IL1RAPL2: variants seen among roughly 807,000 people sequenced by gnomAD.
IL1RAPL2 encodes interleukin 1 receptor accessory protein like 2.
In IL1RAPL2, 3 loss-of-function variants were observed where a neutral mutation model predicts 44.1. That is an observed-to-expected ratio of 0.07 (90% confidence interval 0.03 to 0.18). The LOEUF (loss-of-function observed/expected upper bound fraction) is 0.18. Among genes scored for constraint, IL1RAPL2 ranks in the 10% least tolerant of loss-of-function variants. The probability of loss-of-function intolerance (pLI) is 1.00; values close to 1 mark genes in which losing one functional copy is unlikely to be tolerated. For synonymous variants in IL1RAPL2, 181 were observed against 178.8 expected (o/e 1.01, Z -0.10); for missense variants, 391 against 496.4 (o/e 0.79, Z 2.02).
At chrX:105,069,343 T>C (rs1263091959) in intron 2 of IL1RAPL2, among the ~76,000 whole-genome samples, 1 of 112,839 alleles carries the variant, frequency 8.9e-6, no homozygotes, top group Non-Finnish European at 1.9e-5. Context: ...TTCCAAACTC[T>C]GCAAGCCTTC....
At chrX:105,376,022 G>C in intron 5 of IL1RAPL2, among the ~76,000 whole-genome samples, 1 of 111,705 alleles carries the variant, frequency 9.0e-6, no homozygotes, top group Non-Finnish European at 1.9e-5. Flanking sequence ...TTACATTCCA[G>C]TTTGTGCCAT....
intron 2 of IL1RAPL2, among the ~76,000 whole-genome samples, chrX:104,768,065 A>G (rs150181191): frequency 0.056 from 6,222 of 112,088 alleles, 443 homozygotes; most frequent in African/African-American, 0.19. Context: ...CACGTACAAC[A>G]TGATGTTTTG....
At chrX:105,416,448 T>C (rs1446286270) in intron 5 of IL1RAPL2, among the ~76,000 whole-genome samples, 1 of 112,220 alleles carries the variant, frequency 8.9e-6, no homozygotes, top group African/African-American at 3.2e-5. Context: ...TGTGTAGCCT[T>C]GGTAAGTTAC....
chrX:105,327,773 T>C (rs1166141261), intron 5 of IL1RAPL2, among the ~76,000 whole-genome samples: 1 of 111,391 alleles, frequency 9.0e-6, no homozygotes, highest in African/African-American at 3.3e-5. Context: ...ATGAGAAACA[T>C]TACCTTGGAA....
At chrX:105,337,622 T>A (rs982291670) in intron 5 of IL1RAPL2, among the ~76,000 whole-genome samples, 1 of 111,961 alleles carries the variant, frequency 8.9e-6, no homozygotes, top group Non-Finnish European at 1.9e-5. Context: ...CTGGGTGCAG[T>A]GGCTCACGCC....
At chrX:105,753,212 G>T (rs1281078179) in intron 9 of IL1RAPL2, among the ~76,000 whole-genome samples, 1 of 111,370 alleles carries the variant, frequency 9.0e-6, no homozygotes, top group African/African-American at 3.3e-5. Context: ...TAGGACAGGA[G>T]TCTAGAAGGT....
chrX:105,738,233 T>G (rs977987629), intron 7 of IL1RAPL2, among the ~76,000 whole-genome samples: 1 of 112,340 alleles, frequency 8.9e-6, no homozygotes, highest in South Asian at 3.7e-4. Context: ...CCTTTACATA[T>G]GCATAGTGCT....
intron 5 of IL1RAPL2, among the ~76,000 whole-genome samples, chrX:105,336,453 T>C (rs2035029405): frequency 8.9e-6 from 1 of 112,606 alleles, no homozygotes; most frequent in South Asian, 3.6e-4. Context: ...CTCTCAAGTT[T>C]GTGCTATTCC....
chrX:104,668,737 G>C (rs1930535092), intron 2 of IL1RAPL2, among the ~76,000 whole-genome samples: 1 of 108,461 alleles, frequency 9.2e-6, no homozygotes. Context: ...TTACCAGCGG[G>C]TGGCACTGTA....
At chrX:105,176,948 A>T (rs753239046) in intron 2 of IL1RAPL2, among the ~76,000 whole-genome samples, 7 of 110,969 alleles carry the variant, frequency 6.3e-5, no homozygotes, top group Non-Finnish European at 1.1e-4. Context: ...CTTACTCCCA[A>T]CCTATTTGAA....
chrX:105,260,377 C>G (rs1330230355), intron 4 of IL1RAPL2, among the ~76,000 whole-genome samples: 1 of 112,233 alleles, frequency 8.9e-6, no homozygotes, highest in Non-Finnish European at 1.9e-5. Flanking sequence ...AGGTCCCGCC[C>G]AGTGAGTAGG....
chrX:105,418,360 G>C (rs1276372973), intron 5 of IL1RAPL2, among the ~76,000 whole-genome samples: 1 of 110,930 alleles, frequency 9.0e-6, no homozygotes, highest in African/African-American at 3.3e-5. Flanking sequence ...CCCCTTTTTG[G>C]TTAAAGCTCT....
At chrX:104,930,795 A>G (rs184012845) in intron 2 of IL1RAPL2, among the ~76,000 whole-genome samples, 1 of 111,873 alleles carries the variant, frequency 8.9e-6, no homozygotes, top group East Asian at 2.8e-4. Flanking sequence ...AACTTATTAA[A>G]TCATTTCTTC....
chrX:104,639,643 T>C (rs924317781), intron 1 of IL1RAPL2, among the ~76,000 whole-genome samples: 3 of 111,470 alleles, frequency 2.7e-5, no homozygotes, highest in Non-Finnish European at 3.8e-5. Flanking sequence ...ATGGTAAAAG[T>C]CCTTTTGTTC....
rs868411594 is a variant in IL1RAPL2, at chrX:105,015,912, C to T, written c.83-179563C>T. On this transcript the variant is annotated intron_variant, in intron 2 of 10. Transcript: ENST00000372582. ...TATAAATTACTTTGATCAGTATGGC[C>T]ATTTTCATGATATTGATTCTTCCTA... Among the ~76,000 whole-genome samples, 6 of 111,512 alleles carry T rather than the reference C, an allele frequency of 5.4e-5. No individual in the cohort carries two copies. The South Asian group carries it at 1.5e-3, about 28-fold the overall frequency.
intron 1 of IL1RAPL2, among the ~76,000 whole-genome samples, chrX:104,598,122 G>T (rs1928803613): frequency 8.9e-6 from 1 of 112,219 alleles, no homozygotes; most frequent in South Asian, 3.7e-4. Context: ...CTGGATTAAA[G>T]AAATTCTTCG....
rs1000701354 is a variant in IL1RAPL2, at chrX:105,195,378, T to C, written c.83-97T>C. 2.4e-5 allele frequency: 19 copies of C among 805,263 alleles called. No individual in the cohort carries two copies. In the African/African-American group the frequency reaches 3.7e-4, roughly 16 times the overall value. 66.4% of individuals were successfully genotyped at this position (805,263 alleles called of 1,213,427 possible). A position where few individuals can be genotyped will look rare whatever the true frequency, so the allele number is the denominator to read the frequency against. On this transcript the variant is annotated intron_variant, in intron 2 of 10. Coordinates refer to ENST00000372582, the MANE Select transcript of IL1RAPL2 (RefSeq NM_017416.2). ...TGGGAAGATTGAATGAAGTAATCTATGTGGAGCACTTAGGACATGTTGGTG... is the reference window on the plus strand; with the variant it reads ...TGGGAAGATTGAATGAAGTAATCTACGTGGAGCACTTAGGACATGTTGGTG...
At chrX:104,744,597 C>T (rs899214709) in intron 2 of IL1RAPL2, among the ~76,000 whole-genome samples, 1 of 111,206 alleles carries the variant, frequency 9.0e-6, no homozygotes, top group South Asian at 3.7e-4. Flanking sequence ...GAGAGGCTAA[C>T]GTGTGCCAGA....
intron 2 of IL1RAPL2, among the ~76,000 whole-genome samples, chrX:104,959,371 C>G (rs1055344386): frequency 1.8e-5 from 2 of 110,640 alleles, no homozygotes; most frequent in Admixed American, 1.9e-4. Context: ...TGCACGTATT[C>G]TTGGTGCTCA....
Sources: allele counts gnomAD v4.1 joint callset (sites outside exome capture counted in the v4.1 genomes callset), GRCh38; gene constraint gnomAD v4.1.1; transcripts MANE v1.5; gene names NCBI Gene and HGNC (gene_info 2026-07-23, HGNC 2026-07-21).